The following SLC9A2 variants were observed in gnomAD, a reference collection of about 807,000 sequenced individuals.
SLC9A2 encodes solute carrier family 9 member A2.
SLC9A2 carries 42 observed loss-of-function variants against 71.7 expected under a neutral mutation model. The observed-to-expected ratio is 0.59, with a 90% CI of 0.46 to 0.76. The LOEUF is 0.76. SLC9A2 is among the 30% of genes least tolerant of loss of function. The pLI is 0.00. For missense variants in SLC9A2, 829 were observed against 1,017.4 expected, an observed-to-expected ratio of 0.81 and a Z score of 2.52; for synonymous variants, 396 against 392.5, an observed-to-expected ratio of 1.01 and a Z score of -0.10.
In SLC9A2 at chr2:102,709,721, GAAAGA is replaced by G. The variant is rs898319813; in HGVS notation, c.*1239_*1243del. ...TAGAGTACTTTTTAAAAGTACAGCA[GAAAGA>G]AAAGAAGTGGAACATAAGCATTCAA... is the stretch of plus-strand genomic sequence containing the variant. On this transcript the variant is annotated 3_prime_UTR_variant, in exon 12 of 12. Transcript: ENST00000233969. 1.4e-4 allele frequency: 21 copies of G among 152,572 alleles called. No homozygotes were observed. The highest frequency in any genetic ancestry group is 4.6e-4 in the African/African-American group (19 of 41,490). The allele number at this position is 152,572 out of a possible 1,614,324, so 9.5% of individuals were successfully genotyped here.
At chr2:102,694,389 T>C (rs772572357) in intron 5 of SLC9A2, 25 bp from the exon 6 acceptor site, 4 of 1,038,112 alleles carry the variant, frequency 3.9e-6, no homozygotes, top group Non-Finnish European at 1.3e-6. Context: ...ATATATGAAA[T>C]GCTTAAATTG....
At chr2:102,670,505 T>A (rs1677226011) in intron 3 of SLC9A2, among the ~76,000 whole-genome samples, 1 of 149,004 alleles carries the variant, frequency 6.7e-6, no homozygotes, top group Admixed American at 6.8e-5. Context: ...GGACAAAACA[T>A]GGCTGTCAGA....
chr2:102,641,008 T>C (rs1676565845), intron 1 of SLC9A2, among the ~76,000 whole-genome samples: 1 of 152,150 alleles, frequency 6.6e-6, no homozygotes, highest in African/African-American at 2.4e-5. Context: ...ATTACAAGGG[T>C]TTTAGGGGCT....
In SLC9A2 at chr2:102,620,076, C is replaced by T. The variant is rs922943951; in HGVS notation, c.228C>T (p.Pro76=). ...SRLPVFTLDY[P]HVQIPFEITL... ...TGCCTGTGTTTACGCTGGATTACCC[C>T]CACGTGCAGATCCCCTTCGAGATCA... is the stretch of plus-strand genomic sequence containing the variant. Residue 76 remains proline, a synonymous_variant, in exon 1 of 12, where the codon CCC becomes CCT. Transcript: ENST00000233969. 1 of 1,613,968 alleles carries T rather than the reference C, an allele frequency of 6.2e-7. No homozygotes were observed. Among genetic ancestry groups the T allele is most frequent in the South Asian group, 1.1e-5 (1 of 91,036 alleles).
chr2:102,704,634 G>T lies in SLC9A2; in HGVS notation c.1936G>T (p.Glu646Ter). The change falls in exon 10 of 12, where the codon GAA becomes TAA. Residue 646 changes from glutamate (E) to a stop codon, truncating the protein, a stop_gained. Coordinates refer to ENST00000233969, the MANE Select transcript of SLC9A2 (RefSeq NM_003048.6). LOFTEE classifies it high-confidence loss of function. ...ILIRRRHSLR[E>*]SIRKDSSLNR... The stretch of plus-strand genomic sequence containing the variant: ...GATTCGCCGGCGACACAGTTTGCGA[G>T]AAAGCATTAGGAAGGACAGCAGCTT... The T allele has an allele frequency of 1.2e-6, 2 of 1,613,550 alleles. No individual in the cohort carries two copies. Among genetic ancestry groups the T allele is most frequent in the Non-Finnish European group, 1.7e-6 (2 of 1,179,618 alleles).
intron 1 of SLC9A2, among the ~76,000 whole-genome samples, chr2:102,626,547 G>A (rs1308623106): frequency 1.3e-5 from 2 of 152,140 alleles, no homozygotes; most frequent in Non-Finnish European, 2.9e-5. Context: ...GAAAGCAATG[G>A]CAACAAAAGC....
At position 102,684,216 on chromosome 2, in the gene SLC9A2, A is replaced by G; in HGVS notation, c.1305A>G (p.Gly435=). 6 of 1,614,004 alleles carry G rather than the reference A, an allele frequency of 3.7e-6. No individual in the cohort carries two copies. The highest frequency in any genetic ancestry group is 5.1e-6 in the Non-Finnish European group (6 of 1,179,940). The change falls in exon 5 of 12, where the codon GGA becomes GGG. Residue 435 remains glycine, a synonymous_variant. Coordinates refer to ENST00000233969, the MANE Select transcript of SLC9A2 (RefSeq NM_003048.6). The stretch of plus-strand genomic sequence containing the variant: ...AGGACCAGTTCATCATTGCCTATGG[A>G]GGACTTCGAGGTGCCATCTGTTTTG... ...TFKDQFIIAY[G]GLRGAICFAL...
At chr2:102,638,814 A>C (rs1676518464) in intron 1 of SLC9A2, among the ~76,000 whole-genome samples, 1 of 152,210 alleles carries the variant, frequency 6.6e-6, no homozygotes, top group Non-Finnish European at 1.5e-5. Context: ...TCTGTGAGTA[A>C]AATCAAAGAA....
intron 3 of SLC9A2, among the ~76,000 whole-genome samples, chr2:102,681,705 C>T (rs1465669757): frequency 6.6e-6 from 1 of 152,176 alleles, no homozygotes; most frequent in Non-Finnish European, 1.5e-5. Context: ...ATTATGCATT[C>T]TTCACTTATA....
chr2:102,711,295 A>G lies in SLC9A2; in HGVS notation c.*2806A>G, dbSNP rs1678106823. The G allele has an allele frequency of 6.6e-6, 1 of 152,356 alleles. No homozygotes were observed. The highest frequency in any genetic ancestry group is 1.5e-5 in the Non-Finnish European group (1 of 68,034). The allele number at this position is 152,356 out of a possible 1,614,324, so 9.4% of individuals were successfully genotyped here. On this transcript the variant is annotated 3_prime_UTR_variant, in exon 12 of 12. Coordinates refer to ENST00000233969, the MANE Select transcript of SLC9A2 (RefSeq NM_003048.6). ...TACTTTCTTCTTAAAAACGTGATTA[A>G]AGAGATCACTTTGTCCGGATGAAGC...
intron 9 of SLC9A2, among the ~76,000 whole-genome samples, 192 bp downstream of exon 9, chr2:102,702,694 C>T (rs1677897724): frequency 6.6e-6 from 1 of 152,216 alleles, no homozygotes; most frequent in South Asian, 2.1e-4. Flanking sequence ...ATGGCTGAAG[C>T]CTTGGGGTCC....
At chr2:102,684,049 C>T (rs915954144) in intron 4 of SLC9A2, 85 bp from the exon 5 acceptor site, 11 of 995,016 alleles carry the variant, frequency 1.1e-5, no homozygotes, top group Admixed American at 6.0e-5. Context: ...TTGTCCCCAT[C>T]GCAGAAGCAC....
At chr2:102,704,416 C>G (rs1573436989) in intron 9 of SLC9A2, 128 bp from the exon 10 acceptor site, 2 of 711,090 alleles carry the variant, frequency 2.8e-6, no homozygotes, top group East Asian at 6.0e-5. Flanking sequence ...TTTTGCTCTG[C>G]ACAGAAGTTA....
At chr2:102,679,820 ATTTAGAGAAACAC>A (rs1677416831) in intron 3 of SLC9A2, among the ~76,000 whole-genome samples, 3 of 152,252 alleles carry the variant, frequency 2.0e-5, no homozygotes, top group Non-Finnish European at 4.4e-5. Context: ...TGTTTAGAAC[ATTTAGAGAAACAC>A]TATTCATCAA....
chr2:102,683,046 C>G (rs1389923118), intron 3 of SLC9A2, among the ~76,000 whole-genome samples: 6 of 152,128 alleles, frequency 3.9e-5, no homozygotes, highest in Admixed American at 6.5e-5. Context: ...CTGGGCAGAG[C>G]CGGGTAGTTC....
At chr2:102,631,852 G>T (rs1002976915) in intron 1 of SLC9A2, among the ~76,000 whole-genome samples, 2 of 151,202 alleles carry the variant, frequency 1.3e-5, no homozygotes, top group Non-Finnish European at 2.9e-5. Flanking sequence ...TGACAGAAGT[G>T]TTTGACCTAA....
chr2:102,707,049 A>T (rs1224775508), intron 11 of SLC9A2, among the ~76,000 whole-genome samples: 1 of 152,186 alleles, frequency 6.6e-6, no homozygotes, highest in Non-Finnish European at 1.5e-5. Flanking sequence ...AACATTAGAT[A>T]CACAGGACAC....
Position 102,683,291 on chromosome 2 carries a change from G to C in SLC9A2, c.1035G>C (p.Lys345Asn). Residue 345 changes from lysine (K) to asparagine (N), a missense_variant, in exon 4 of 12, where the codon AAG becomes AAC. This residue lies in a region of SLC9A2 where 500 missense variants were observed against 726.3 expected (regional missense o/e 0.69). Transcript: ENST00000233969. The stretch of plus-strand genomic sequence containing the variant: ...CTGCTTGTGCAATGACTATGAATAA[G>C]TACGTAGAAGAAAATGTATCTCAGA... ...AITACAMTMN[K>N]YVEENVSQKS... 1 of 1,613,746 alleles carries C rather than the reference G, an allele frequency of 6.2e-7. No homozygotes were observed. Among genetic ancestry groups the C allele is most frequent in the Non-Finnish European group, 8.5e-7 (1 of 1,179,592 alleles).
At chr2:102,666,330 G>C (rs1677140740) in intron 3 of SLC9A2, among the ~76,000 whole-genome samples, 1 of 151,418 alleles carries the variant, frequency 6.6e-6, no homozygotes. Context: ...TGAGTAGCTG[G>C]GACTGCAGGC....
Sources: allele counts gnomAD v4.1 joint callset (sites outside exome capture counted in the v4.1 genomes callset), GRCh38; gene constraint gnomAD v4.1.1; regional missense constraint gnomAD v4.1.1; transcripts MANE v1.5; gene names NCBI Gene and HGNC (gene_info 2026-07-23, HGNC 2026-07-21).